The following CDKL1 variants were observed in gnomAD, a reference collection of about 807,000 sequenced individuals.
CDKL1 encodes cyclin-dependent kinase-like 1.
A neutral mutation model predicts 42.0 loss-of-function variants in CDKL1; 41 were observed. That is an observed-to-expected ratio of 0.98 (90% confidence interval 0.76 to 1.27). The LOEUF (loss-of-function observed/expected upper bound fraction) is 1.27. Ranked by LOEUF, CDKL1 falls within the 50% of genes most tolerant of loss-of-function variation. The pLI, the probability that CDKL1 is intolerant of heterozygous loss-of-function variation, is 0.00. For missense variants in CDKL1, 394 were observed against 428.4 expected, an observed-to-expected ratio of 0.92 and a Z score of 0.71; for synonymous variants, 153 against 158.6, an observed-to-expected ratio of 0.96 and a Z score of 0.26.
chr14:50,362,983 A>G (rs1022291716), intron 2 of CDKL1: 4 of 464,964 alleles, frequency 8.6e-6, no homozygotes, highest in Admixed American at 7.1e-5. Flanking sequence ...CTGCTGTAAC[A>G]CTTATGGCAA....
chr14:50,377,504 A>G, intron 2 of CDKL1: 1 of 1,031,686 alleles, frequency 9.7e-7, no homozygotes, highest in Non-Finnish European at 1.2e-6. Flanking sequence ...CTCAGACTTT[A>G]CTTTCTGGGA....
At chr14:50,390,313 G>T in intron 2 of CDKL1, 2 of 1,366,414 alleles carry the variant, frequency 1.5e-6, no homozygotes, top group Non-Finnish European at 2.0e-6. Context: ...GGATCCCACA[G>T]TGACACTGTC....
At chr14:50,345,176 G>A (rs2033686565) in intron 3 of CDKL1, 118 bp from the exon 4 acceptor site, 4 of 781,944 alleles carry the variant, frequency 5.1e-6, no homozygotes, top group Non-Finnish European at 8.2e-6. Context: ...GTGACACATA[G>A]TCATCTTACT....
chr14:50,346,651 G>GTTTTTTTTTTTTTTT (rs375954757), intron 3 of CDKL1, among the ~76,000 whole-genome samples: 2 of 123,636 alleles, frequency 1.6e-5, no homozygotes, highest in Non-Finnish European at 3.3e-5. Flanking sequence ...TTAAATTTTT[G>GTTTTTTTTTTTTTTT]GTTTTTTTTT....
intron 2 of CDKL1, among the ~76,000 whole-genome samples, chr14:50,393,643 C>A (rs2035320699): frequency 6.6e-6 from 1 of 152,138 alleles, no homozygotes; most frequent in African/African-American, 2.4e-5. Flanking sequence ...CCACCATGCC[C>A]AGCCTAGTAC....
chr14:50,386,596 C>T (rs1241810959), intron 2 of CDKL1, among the ~76,000 whole-genome samples: 1 of 152,154 alleles, frequency 6.6e-6, no homozygotes, highest in Non-Finnish European at 1.5e-5. Flanking sequence ...AATCCCAGGA[C>T]ACTTTACATA....
At chr14:50,396,949 G>GC, upstream of CDKL1, 1 of 502,868 alleles carries the variant, frequency 2.0e-6, no homozygotes, top group Non-Finnish European at 2.9e-6. Flanking sequence ...CCTGGGCGGG[G>GC]CCGCCGCGCC....
intron 2 of CDKL1, chr14:50,378,287 G>C: frequency 7.3e-7 from 1 of 1,366,446 alleles, no homozygotes; most frequent in East Asian, 4.5e-5. Context: ...ACCTATAATA[G>C]GATGAGGTTG....
At position 50,396,060 on chromosome 14, in the gene CDKL1, C is replaced by T; in HGVS notation, c.-192G>A. The T allele has an allele frequency of 9.2e-7, 1 of 1,084,230 alleles. No homozygotes were observed. The highest frequency in any genetic ancestry group is 1.2e-6 in the Non-Finnish European group (1 of 807,680). The allele number at this position is 1,084,230 out of a possible 1,614,324, so 67.2% of individuals were successfully genotyped here. A position where few individuals can be genotyped will look rare whatever the true frequency, so the allele number is the denominator to read the frequency against. On this transcript the variant is annotated 5_prime_UTR_variant, in exon 2 of 10. Transcript: ENST00000395834. ...AATTAGCCGGGTGTGGTGATGGGCG[C>T]CCGTAGTCCCAGCAACTCAGGAGAC... is the stretch of plus-strand genomic sequence containing the variant.
At chr14:50,387,817 G>A (rs2035131479) in intron 2 of CDKL1, among the ~76,000 whole-genome samples, 1 of 152,178 alleles carries the variant, frequency 6.6e-6, no homozygotes, top group South Asian at 2.1e-4. Flanking sequence ...TGAAGAGAGG[G>A]AGCCTAGAAT....
At chr14:50,387,669 C>T (rs1595375709) in intron 2 of CDKL1, among the ~76,000 whole-genome samples, 3 of 152,184 alleles carry the variant, frequency 2.0e-5, no homozygotes, top group East Asian at 3.8e-4. Context: ...GACTGCTTCC[C>T]TCATTTATGT....
In CDKL1 at chr14:50,396,332, A is replaced by C. The variant is rs1351729668; in HGVS notation, c.-461-3T>G. ...AACGATGAGTGTTTGTCACGGTCCT[A>C]GAACAGAACAGCACATGTTAAGGAA... On this transcript the variant is annotated splice_polypyrimidine_tract_variant and splice_region_variant and intron_variant, in intron 1 of 9. Coordinates refer to ENST00000395834, the MANE Select transcript of CDKL1 (RefSeq NM_004196.7). 6 of 997,294 alleles carry C rather than the reference A, an allele frequency of 6.0e-6. No individual in the cohort carries two copies. The African/African-American group carries it at 1.0e-4, about 17-fold the overall frequency. 61.8% of individuals were successfully genotyped at this position (997,294 alleles called of 1,614,324 possible).
intron 2 of CDKL1, chr14:50,390,034 C>T: frequency 1.6e-6 from 1 of 630,070 alleles, no homozygotes; most frequent in African/African-American, 1.9e-5. Flanking sequence ...GTAACGATAT[C>T]TACCTTCTAA....
chr14:50,344,925 A>G, intron 4 of CDKL1, 61 bp downstream of exon 4: 1 of 1,358,112 alleles, frequency 7.4e-7, no homozygotes. Flanking sequence ...AACTTTGTAC[A>G]AGGCTCCACC....
intron 2 of CDKL1, 46 bp from the exon 3 acceptor site, chr14:50,359,195 C>A: frequency 6.3e-7 from 1 of 1,580,472 alleles, no homozygotes; most frequent in Admixed American, 1.8e-5. Flanking sequence ...TTGTGAAAGA[C>A]AGCTTTCTCT....
chr14:50,361,787 A>G (rs781507317), intron 2 of CDKL1, among the ~76,000 whole-genome samples: 5 of 152,244 alleles, frequency 3.3e-5, no homozygotes, highest in Non-Finnish European at 7.3e-5. Context: ...AGGTGACAGC[A>G]TGCTGGCAGC....
intron 2 of CDKL1, among the ~76,000 whole-genome samples, chr14:50,372,167 G>A (rs56381880): frequency 0.27 from 41,722 of 152,210 alleles, 6,958 homozygotes; most frequent in African/African-American, 0.46. Flanking sequence ...AGGCTGGAGT[G>A]CAGTGGAGAG....
chr14:50,380,955 C>T (rs1433063019), intron 2 of CDKL1, among the ~76,000 whole-genome samples: 1 of 152,166 alleles, frequency 6.6e-6, no homozygotes, highest in Non-Finnish European at 1.5e-5. Context: ...GTGGGCACCA[C>T]CATGCCCAGC....
rs1199620726 is a variant in CDKL1, at chr14:50,328,405, T to C, written c.*1669A>G. 1.3e-5 allele frequency: 2 copies of C among 152,108 alleles called. No homozygotes were observed. Among genetic ancestry groups the C allele is most frequent in the Non-Finnish European group, 2.9e-5 (2 of 68,010 alleles). The allele number at this position is 152,108 out of a possible 1,614,324, so 9.4% of individuals were successfully genotyped here. A position where few individuals can be genotyped will look rare whatever the true frequency, so the allele number is the denominator to read the frequency against. The stretch of plus-strand genomic sequence containing the variant: ...TTAAACTGCCTAGGGTAGTCAAAAT[T>C]ATTGAGTAGACACCAGACCTCAGTG... On this transcript the variant is annotated 3_prime_UTR_variant, in exon 10 of 10. Transcript: ENST00000395834.
Sources: allele counts gnomAD v4.1 joint callset (sites outside exome capture counted in the v4.1 genomes callset), GRCh38; gene constraint gnomAD v4.1.1; transcripts MANE v1.5; gene names NCBI Gene and HGNC (gene_info 2026-07-23, HGNC 2026-07-21).